The following SPECC1 variants were observed in gnomAD, a reference collection of about 807,000 sequenced individuals.
SPECC1 encodes the protein sperm antigen with calponin homology and coiled-coil domains 1.
SPECC1 carries 62 observed loss-of-function variants against 104.1 expected under a neutral mutation model. That is an observed-to-expected ratio of 0.60 (90% CI 0.49 to 0.74). The LOEUF (loss-of-function observed/expected upper bound fraction) is 0.74, where lower values mean the gene tolerates loss of function less well. Among genes scored for constraint, SPECC1 ranks in the 30% least tolerant of loss-of-function variants. SPECC1 has a pLI of 0.00. For missense variants in SPECC1, 1,306 were observed against 1,310.5 expected (o/e 1.00, Z 0.05); for synonymous variants, 513 against 501.6 (o/e 1.02, Z -0.30).
chr17:20,205,726 G>C lies in SPECC1; in HGVS notation c.1677G>C (p.Gln559His). The C allele has an allele frequency of 6.2e-7, 1 of 1,614,216 alleles. No individual in the cohort carries two copies. The highest frequency in any genetic ancestry group is 1.1e-5 in the South Asian group (1 of 91,080). Residue 559 changes from glutamine (Q) to histidine (H), a missense_variant, in exon 4 of 15, where the codon CAG (glutamine) becomes CAC (histidine). Coordinates refer to ENST00000395527, the MANE Select transcript of SPECC1 (RefSeq NM_001243439.2). ...ATGGATCTTTGAAGTCTCATTTGCAGGGTGAGAAGCAGAAAGCCACAGAGG... is the reference window on the plus strand; with the variant it reads ...ATGGATCTTTGAAGTCTCATTTGCACGGTGAGAAGCAGAAAGCCACAGAGG... ...MENGSLKSHL[Q>H]GEKQKATEAS...
rs1376042537 is a variant in SPECC1, at chr17:20,315,295, A to G, written c.*1230A>G. The G allele has an allele frequency of 4.5e-6, 1 of 221,592 alleles. No individual in the cohort carries two copies. Among genetic ancestry groups the G allele is most frequent in the South Asian group, 1.8e-4 (1 of 5,460 alleles). 13.7% of individuals were successfully genotyped at this position (221,592 alleles called of 1,614,324 possible). A position where few individuals can be genotyped will look rare whatever the true frequency, so the allele number is the denominator to read the frequency against. ...CGGTGAGGGCACATTTATAACTAAC[A>G]AAGAAGAATGCAGTTGCCCCAGCAT... is the stretch of plus-strand genomic sequence containing the variant. On this transcript the variant is annotated 3_prime_UTR_variant, in exon 15 of 15. Transcript: ENST00000395527.
rs1395265003 is a variant in SPECC1 at position 20,205,033 on chromosome 17, T to C, written c.984T>C (p.Ala328=). 3.1e-6 allele frequency: 5 copies of C among 1,614,108 alleles called. No individual in the cohort carries two copies. Among genetic ancestry groups the C allele is most frequent in the Non-Finnish European group, 4.2e-6 (5 of 1,180,004 alleles). The change falls in exon 4 of 15, where the codon GCT becomes GCC. Residue 328 remains alanine, a synonymous_variant. Coordinates refer to ENST00000395527, the MANE Select transcript of SPECC1 (RefSeq NM_001243439.2). ...CCAAAGCTTCTTTGTCGCCAGATGC[T>C]TCCGACTTTGAGCACATTACAGCAG... The part of the protein sequence containing the change: ...DVTKASLSPD[A]SDFEHITAET...
chr17:20,064,227 G>C (rs908595326), intron 1 of SPECC1, among the ~76,000 whole-genome samples: 14 of 152,314 alleles, frequency 9.2e-5, no homozygotes, highest in African/African-American at 3.1e-4. Context: ...AAGAGGAGCA[G>C]CTGGGGGCCA....
intron 8 of SPECC1, among the ~76,000 whole-genome samples, chr17:20,246,839 T>C (rs2039443949): frequency 6.6e-6 from 1 of 152,192 alleles, no homozygotes; most frequent in Non-Finnish European, 1.5e-5. Flanking sequence ...GCTAAAATTG[T>C]TTGCACCTAA....
intron 9 of SPECC1, among the ~76,000 whole-genome samples, chr17:20,250,702 G>T (rs1271906381): frequency 6.6e-6 from 1 of 152,150 alleles, no homozygotes; most frequent in Non-Finnish European, 1.5e-5. Flanking sequence ...CAGAGACTAG[G>T]AAAGAGGTCA....
rs779761429 is a variant in SPECC1, at chr17:20,205,926, G to C, written c.1863+14G>C. Reference sequence around the variant, plus strand: ...CTGCTGGCCAAGGTGAGAAGAGACAGCTCTTTACTGGTATTTGCTCATCCT... The same window carrying C: ...CTGCTGGCCAAGGTGAGAAGAGACACCTCTTTACTGGTATTTGCTCATCCT... On this transcript the variant is annotated intron_variant, in intron 4 of 14. Coordinates refer to ENST00000395527, the MANE Select transcript of SPECC1 (RefSeq NM_001243439.2). 2 of 1,594,022 alleles carry C rather than the reference G, an allele frequency of 1.3e-6. No individual in the cohort carries two copies. Among genetic ancestry groups the C allele is most frequent in the African/African-American group, 1.3e-5 (1 of 74,630 alleles).
chr17:20,205,186 G>T lies in SPECC1; in HGVS notation c.1137G>T (p.Lys379Asn). 6.2e-7 allele frequency: 1 copy of T among 1,614,102 alleles called. No homozygotes were observed. Among genetic ancestry groups the T allele is most frequent in the Non-Finnish European group, 8.5e-7 (1 of 1,180,034 alleles). Reference protein sequence around the residue: ...SLASLTEKIQKMEENHHSTAE... With the variant: ...SLASLTEKIQNMEENHHSTAE... ...CTTCCCTCACAGAGAAGATACAAAA[G>T]ATGGAAGAAAACCACCATAGCACTG... Residue 379 changes from lysine to asparagine, a missense_variant, in exon 4 of 15, where the codon AAG becomes AAT. Coordinates refer to ENST00000395527, the MANE Select transcript of SPECC1 (RefSeq NM_001243439.2).
intron 3 of SPECC1, among the ~76,000 whole-genome samples, chr17:20,129,097 G>A (rs1031813171): frequency 2.6e-5 from 4 of 151,808 alleles, no homozygotes; most frequent in African/African-American, 9.7e-5. Context: ...TGCTCACTAT[G>A]TTCCTGGGCT....
chr17:20,010,336 A>G (rs2043898128), intron 1 of SPECC1: 2 of 152,156 alleles, frequency 1.3e-5, no homozygotes, highest in African/African-American at 2.4e-5. Flanking sequence ...TCCACCAGCA[A>G]CTGTAGGAGC....
At chr17:20,153,522 C>T (rs2032200818) in intron 3 of SPECC1, among the ~76,000 whole-genome samples, 2 of 152,070 alleles carry the variant, frequency 1.3e-5, no homozygotes, top group South Asian at 4.1e-4. Flanking sequence ...TGCAGTAGCC[C>T]TTGTGAAGCA....
chr17:20,260,123 T>A lies in SPECC1; in HGVS notation c.2838-69T>A. Reference sequence around the variant, plus strand: ...TTTGCTTTTCTAAAGTAGGTATTTATTTCTTGTGTATTTGAGAATTCTAAG... The same window carrying A: ...TTTGCTTTTCTAAAGTAGGTATTTAATTCTTGTGTATTTGAGAATTCTAAG... On this transcript the variant is annotated intron_variant, in intron 11 of 14. Transcript: ENST00000395527. 4 of 1,282,060 alleles carry A rather than the reference T, an allele frequency of 3.1e-6. No homozygotes were observed. The East Asian group carries it at 7.3e-5, about 23-fold the overall frequency. The allele number at this position is 1,282,060 out of a possible 1,614,324, so 79.4% of individuals were successfully genotyped here.
At chr17:20,240,891 G>A (rs1234181038) in intron 7 of SPECC1, among the ~76,000 whole-genome samples, 1 of 152,138 alleles carries the variant, frequency 6.6e-6, no homozygotes, top group East Asian at 1.9e-4. Flanking sequence ...ATTTACAAAC[G>A]CCAGTCCTCT....
Position 20,019,359 on chromosome 17 carries a change from A to G in SPECC1, c.-22+9935A>G, listed in dbSNP as rs866745129. Among the ~76,000 whole-genome samples, 6 of 152,138 alleles carry G rather than the reference A, an allele frequency of 3.9e-5. No homozygotes were observed. The South Asian group carries it at 1.2e-3, about 32-fold the overall frequency. On this transcript the variant is annotated intron_variant, in intron 1 of 14. Transcript: ENST00000395527. ...AAAAAGATGGACACTTTACCTAGAA[A>G]TGACTTCTCCCAGTCAGATGGTCAT...
At position 20,204,771 on chromosome 17, in the gene SPECC1, C is replaced by A. The variant is rs1241813491; in HGVS notation, c.722C>A (p.Ser241Tyr). 3.7e-6 allele frequency: 6 copies of A among 1,613,962 alleles called. No homozygotes were observed. The highest frequency in any genetic ancestry group is 4.2e-6 in the Non-Finnish European group (5 of 1,180,034). The change falls in exon 4 of 15, where the codon TCC becomes TAC. Residue 241 changes from serine (S) to tyrosine (Y), a missense_variant. Physicochemically the swap from Ser to Tyr is moderately radical, Grantham distance 144. Around this residue, in one of 2 missense-constraint regions of SPECC1, gnomAD observed 1,177 missense variants for 1,139.9 expected, o/e 1.03. Coordinates refer to ENST00000395527, the MANE Select transcript of SPECC1 (RefSeq NM_001243439.2). The stretch of plus-strand genomic sequence containing the variant: ...AACAAGAACTTTCAGAAAGAGCTTT[C>A]CGATCTAGAGGAAGAAAACCGGGTC... ...EKNKNFQKELSDLEEENRVLK... is the reference protein window; with the variant it reads ...EKNKNFQKELYDLEEENRVLK...
At chr17:20,153,704 T>G (rs2032215243) in intron 3 of SPECC1, among the ~76,000 whole-genome samples, 1 of 152,206 alleles carries the variant, frequency 6.6e-6, no homozygotes, top group Admixed American at 6.5e-5. Context: ...TTACTTGACA[T>G]TTTACAGAAT....
At chr17:20,278,351 G>A (rs777705794) in intron 12 of SPECC1, among the ~76,000 whole-genome samples, 3 of 152,204 alleles carry the variant, frequency 2.0e-5, no homozygotes, top group Non-Finnish European at 2.9e-5. Context: ...TAAGAGCAGA[G>A]GCTTAGGTTG....
intron 2 of SPECC1, among the ~76,000 whole-genome samples, chr17:20,107,201 C>T (rs73299626): frequency 2.0e-5 from 3 of 146,478 alleles, no homozygotes; most frequent in Admixed American, 1.4e-4. Flanking sequence ...TGTGATTATG[C>T]TGACATCTAG....
chr17:20,141,168 G>A (rs1484441342), intron 3 of SPECC1, among the ~76,000 whole-genome samples: 1 of 152,182 alleles, frequency 6.6e-6, no homozygotes, highest in African/African-American at 2.4e-5. Flanking sequence ...CGTTTCTTGA[G>A]CTCCTTTCAA....
rs1386278904 is a variant in SPECC1, at chr17:20,205,204, T to C, written c.1155T>C (p.His385=). 2.5e-6 allele frequency: 4 copies of C among 1,614,056 alleles called. No individual in the cohort carries two copies. Among genetic ancestry groups the C allele is most frequent in the Non-Finnish European group, 3.4e-6 (4 of 1,180,022 alleles). Residue 385 remains histidine, a synonymous_variant, in exon 4 of 15, where the codon CAT becomes CAC. Transcript: ENST00000395527. ...TACAAAAGATGGAAGAAAACCACCA[T>C]AGCACTGCAGAAGAACTACAGGCTA... ...EKIQKMEENH[H]STAEELQATL...
Sources: gnomAD v4.1 joint callset for allele counts (sites outside exome capture counted in the v4.1 genomes callset) on GRCh38, gnomAD v4.1.1 for gene constraint, gnomAD v4.1.1 regional missense constraint, MANE v1.5 for transcripts, NCBI Gene and HGNC (gene_info 2026-07-23, HGNC 2026-07-21) for gene names.